The following MAB21L4 variants were observed in gnomAD, a reference collection of about 807,000 sequenced individuals.
MAB21L4 encodes the protein mab-21 like 4, also known as protein mab-21-like 4.
Under a neutral mutation model 32.4 loss-of-function variants are expected in MAB21L4, and 25 were observed. The ratio of observed to expected loss-of-function variants is 0.77; its 90% CI spans 0.56 to 1.08. The LOEUF is 1.08. Among genes scored for constraint, MAB21L4 ranks in the 50% least tolerant of loss-of-function variants. The pLI is 0.00. For synonymous variants in MAB21L4, 280 were observed against 276.8 expected (o/e 1.01, Z -0.11); for missense variants, 638 against 611.0 (o/e 1.04, Z -0.47).
chr2:240,893,182 C>T (rs930176082), intron 1 of MAB21L4, among the ~76,000 whole-genome samples: 1 of 152,190 alleles, frequency 6.6e-6, no homozygotes, highest in Non-Finnish European at 1.5e-5. Flanking sequence ...GGAAAGGTCC[C>T]CATCATGAGC....
In MAB21L4 at chr2:240,886,908, C is replaced by T; in HGVS notation, c.*162G>A. 1 of 580,160 alleles carries T rather than the reference C, an allele frequency of 1.7e-6. No homozygotes were observed. Among genetic ancestry groups the T allele is most frequent in the Non-Finnish European group, 3.0e-6 (1 of 329,692 alleles). 35.9% of individuals were successfully genotyped at this position (580,160 alleles called of 1,614,324 possible). On this transcript the variant is annotated 3_prime_UTR_variant, in exon 5 of 5. Coordinates refer to ENST00000388934, the MANE Select transcript of MAB21L4 (RefSeq NM_001085437.3). ...AAGAGGCCTGCCCTGCCCCACCAGG[C>T]ACTGAAAGACTCTCAGAGGCCACTG... is the stretch of plus-strand genomic sequence containing the variant.
intron 3 of MAB21L4, 41 bp downstream of exon 3, chr2:240,889,964 G>T: frequency 6.3e-7 from 1 of 1,577,282 alleles, no homozygotes; most frequent in Non-Finnish European, 8.7e-7. Flanking sequence ...CTACCCCTGG[G>T]CCCTGGTGAC....
In MAB21L4 at chr2:240,887,128, A is replaced by G. The variant is rs1258958395; in HGVS notation, c.1286T>C (p.Ile429Thr). 3.1e-6 allele frequency: 5 copies of G among 1,614,126 alleles called. No homozygotes were observed. The highest frequency in any genetic ancestry group is 4.2e-6 in the Non-Finnish European group (5 of 1,180,008). ...CTGGAAGATGCTCTGCATGGCAGAG[A>G]TCCGGTCCTTATCCTGGATGTTGAA... The part of the protein sequence containing the change: ...QVFNIQDKDR[I>T]SAMQSIFQKT... Residue 429 changes from isoleucine (I) to threonine (T), a missense_variant, in exon 5 of 5, where the codon ATC becomes ACC. By Grantham distance (89) the Ile-to-Thr change is moderately conservative (BLOSUM62 -1). Transcript: ENST00000388934.
At chr2:240,889,201 C>A (rs1163870199) in intron 3 of MAB21L4, among the ~76,000 whole-genome samples, 1 of 152,230 alleles carries the variant, frequency 6.6e-6, no homozygotes, top group Non-Finnish European at 1.5e-5. Flanking sequence ...CTCCCATGGC[C>A]TCTCACCCTG....
chr2:240,889,859 C>T, intron 3 of MAB21L4, 146 bp downstream of exon 3: 1 of 981,668 alleles, frequency 1.0e-6, no homozygotes, highest in Non-Finnish European at 1.5e-6. Flanking sequence ...TCCTCAGAAC[C>T]TGGGCAGGCC....
At chr2:240,892,299 G>A (rs35419035) in intron 1 of MAB21L4, among the ~76,000 whole-genome samples, 23,091 of 152,044 alleles carry the variant, frequency 0.15, 2,103 homozygotes, top group Non-Finnish European at 0.2. Flanking sequence ...TGGAGAGGGT[G>A]GAGCGAAGCT....
rs764709943 is a variant in MAB21L4 at position 240,888,431 on chromosome 2, G to T, written c.1112C>A (p.Ala371Glu). The T allele has an allele frequency of 1.3e-5, 20 of 1,563,736 alleles. No individual in the cohort carries two copies. Among genetic ancestry groups the T allele is most frequent in the East Asian group, 2.4e-5 (1 of 42,424 alleles). ...GTGGGTGGCGTGGATGCGCAGGGCC[G>T]CCTCGGGCTGGCTGGCGAAGCCCTC... ...RVEGFASQPE[A>E]ALRIHATHLG... is the part of the protein sequence containing the mutation. The change falls in exon 4 of 5, where the codon GCG (alanine) becomes GAG (glutamate). Residue 371 changes from alanine (A) to glutamate (E), a missense_variant. Transcript: ENST00000388934.
In MAB21L4 at chr2:240,890,135, G is replaced by A. The variant is rs370614463; in HGVS notation, c.764C>T (p.Thr255Met). ...GGAGCCCAGCTCCCCCAGCAGCCTC[G>A]TGAGCAGGTAGTCAGTGGAGGTCCT... is the stretch of plus-strand genomic sequence containing the variant. ...LWRTSTDYLL[T>M]RLLGELGSLQ... The change falls in exon 3 of 5, where the codon ACG (threonine) becomes ATG (methionine). Residue 255 changes from threonine to methionine, a missense_variant. Transcript: ENST00000388934. 15 of 1,609,778 alleles carry A rather than the reference G, an allele frequency of 9.3e-6. No homozygotes were observed. Among genetic ancestry groups the A allele is most frequent in the East Asian group, 4.5e-5 (2 of 44,756 alleles).
Position 240,886,999 on chromosome 2 carries a change from G to T in MAB21L4, c.*71C>A. The stretch of plus-strand genomic sequence containing the variant: ...CCGTTTCTTCTTCCAAACATCCCAG[G>T]AGCCTCCCATGGTGCAGTGCAGAGT... On this transcript the variant is annotated 3_prime_UTR_variant, in exon 5 of 5. Transcript: ENST00000388934. 1 of 1,191,576 alleles carries T rather than the reference G, an allele frequency of 8.4e-7. No homozygotes were observed. Among genetic ancestry groups the T allele is most frequent in the East Asian group, 2.4e-5 (1 of 42,358 alleles). 73.8% of individuals were successfully genotyped at this position (1,191,576 alleles called of 1,614,324 possible).
chr2:240,887,316 G>C (rs2059104169), intron 4 of MAB21L4, among the ~76,000 whole-genome samples, 154 bp from the exon 5 acceptor site: 1 of 152,236 alleles, frequency 6.6e-6, no homozygotes, highest in Non-Finnish European at 1.5e-5. Flanking sequence ...GCATCCTAGA[G>C]GCGGAGCGGC....
intron 1 of MAB21L4, among the ~76,000 whole-genome samples, chr2:240,894,262 T>C (rs2059172742): frequency 6.6e-6 from 1 of 152,012 alleles, no homozygotes; most frequent in Admixed American, 6.5e-5. Flanking sequence ...AGATGAATAC[T>C]AGGGAGGTGA....
chr2:240,887,332 C>A (rs2059104372), intron 4 of MAB21L4, among the ~76,000 whole-genome samples, 170 bp from the exon 5 acceptor site: 1 of 152,240 alleles, frequency 6.6e-6, no homozygotes, highest in African/African-American at 2.4e-5. Context: ...GCGGCCCCAG[C>A]CTCTGCTGCT....
upstream of MAB21L4, among the ~76,000 whole-genome samples, chr2:240,896,529 T>C (rs10933515): frequency 0.55 from 84,043 of 151,980 alleles, 24,339 homozygotes; most frequent in African/African-American, 0.73. Context: ...CGTGGCTCAG[T>C]GAGGAAGGGG....
intron 4 of MAB21L4, 78 bp downstream of exon 4, chr2:240,888,214 G>A (rs1260241073): frequency 1.7e-6 from 2 of 1,187,628 alleles, no homozygotes; most frequent in East Asian, 2.7e-5. Flanking sequence ...GAGAGAATGG[G>A]CAGGGAGCCA....
rs1351428640 is a variant in MAB21L4, at chr2:240,895,702, G to A, written c.296C>T (p.Ala99Val). The A allele has an allele frequency of 6.2e-7, 1 of 1,612,922 alleles. No individual in the cohort carries two copies. Among genetic ancestry groups the A allele is most frequent in the East Asian group, 2.2e-5 (1 of 44,864 alleles). ...AEALLIEEPE[A>V]TQPEDGLELC... ...TTCAAGGCCATCCTCCGGCTGGGTG[G>A]CCTCTGGTTCCTCAATCAGTAGAGC... The change falls in exon 1 of 5, where the codon GCC becomes GTC. Residue 99 changes from alanine to valine, a missense_variant. Coordinates refer to ENST00000388934, the MANE Select transcript of MAB21L4 (RefSeq NM_001085437.3).
intron 1 of MAB21L4, among the ~76,000 whole-genome samples, chr2:240,893,734 G>A (rs1168879705): frequency 2.6e-5 from 4 of 152,364 alleles, no homozygotes; most frequent in East Asian, 3.9e-4. Flanking sequence ...TGCTTTCTCA[G>A]GAGGCACTCT....
chr2:240,895,979 G>T lies in MAB21L4; in HGVS notation c.19C>A (p.Pro7Thr), dbSNP rs1003651122. The stretch of plus-strand genomic sequence containing the variant: ...ACCTGCACGGCCATGGCTGAGGTGG[G>T]GAGAGCAGGGGCAGGCATCCCTTCA... MPAPAL[P>T]TSAMAVQVPL... The change falls in exon 1 of 5, where the codon CCC becomes ACC. Residue 7 changes from proline (P) to threonine (T), a missense_variant. Pro to Thr is a conservative substitution (Grantham distance 38). Transcript: ENST00000388934. 1 of 1,459,792 alleles carries T rather than the reference G, an allele frequency of 6.9e-7. No individual in the cohort carries two copies. Among genetic ancestry groups the T allele is most frequent in the Non-Finnish European group, 9.0e-7 (1 of 1,111,358 alleles). The allele number at this position is 1,459,792 out of a possible 1,614,324, so 90.4% of individuals were successfully genotyped here.
chr2:240,893,294 G>A (rs1438170551), intron 1 of MAB21L4, among the ~76,000 whole-genome samples: 1 of 152,186 alleles, frequency 6.6e-6, no homozygotes, highest in Non-Finnish European at 1.5e-5. Context: ...AATCTCCCGT[G>A]GGGCAGTTCT....
At chr2:240,893,487 C>A (rs772984074) in intron 1 of MAB21L4, among the ~76,000 whole-genome samples, 1 of 152,222 alleles carries the variant, frequency 6.6e-6, no homozygotes, top group Non-Finnish European at 1.5e-5. Flanking sequence ...GGGCCACGCA[C>A]GCTCACTGCC....
Sources: gnomAD v4.1 joint callset for allele counts (sites outside exome capture counted in the v4.1 genomes callset) on GRCh38, gnomAD v4.1.1 for gene constraint, MANE v1.5 for transcripts, NCBI Gene and HGNC (gene_info 2026-07-23, HGNC 2026-07-21) for gene names.